Variants in SERGEF observed in about 807,000 individuals in gnomAD.
SERGEF encodes the protein secretion-regulating guanine nucleotide exchange factor.
Under a neutral mutation model 50.0 loss-of-function variants are expected in SERGEF, and 51 were observed. The ratio of observed to expected loss-of-function variants is 1.02; its 90% CI spans 0.81 to 1.29. SERGEF has a LOEUF of 1.29. Ranked by LOEUF, SERGEF falls within the 50% of genes most tolerant of loss-of-function variation. The pLI is 0.00. For synonymous variants in SERGEF, 205 were observed against 212.4 expected, an observed-to-expected ratio of 0.97 and a Z score of 0.30; for missense variants, 521 against 557.0, an observed-to-expected ratio of 0.94 and a Z score of 0.65.
chr11:17,804,147 C>T (rs1417846244), intron 10 of SERGEF, among the ~76,000 whole-genome samples: 1 of 152,148 alleles, frequency 6.6e-6, no homozygotes, highest in East Asian at 1.9e-4. Flanking sequence ...AAACAGTGGC[C>T]CGATGACCAT....
intron 9 of SERGEF, among the ~76,000 whole-genome samples, chr11:17,933,810 T>C (rs1852400025): frequency 6.6e-6 from 1 of 152,162 alleles, no homozygotes; most frequent in African/African-American, 2.4e-5. Flanking sequence ...AATCCCTAAA[T>C]TTTGGATCAT....
intron 10 of SERGEF, among the ~76,000 whole-genome samples, chr11:17,852,161 T>A (rs1473803866): frequency 6.6e-6 from 1 of 152,150 alleles, no homozygotes; most frequent in African/African-American, 2.4e-5. Flanking sequence ...AACCTTGGGA[T>A]GCATGTACAG....
intron 10 of SERGEF, among the ~76,000 whole-genome samples, chr11:17,857,841 G>A (rs554471893): frequency 1.7e-4 from 26 of 152,302 alleles, no homozygotes; most frequent in African/African-American, 6.0e-4. Flanking sequence ...GGGATAGATT[G>A]AGCCCACACC....
chr11:17,794,338 G>A (rs1024149097), intron 10 of SERGEF, among the ~76,000 whole-genome samples: 27 of 152,182 alleles, frequency 1.8e-4, no homozygotes, highest in African/African-American at 5.1e-4. Flanking sequence ...CACTACCTCT[G>A]ACCATGAGCA....
intron 9 of SERGEF, among the ~76,000 whole-genome samples, chr11:17,883,990 G>A (rs1294628649): frequency 6.6e-6 from 1 of 152,140 alleles, no homozygotes; most frequent in East Asian, 1.9e-4. Context: ...ACCGGGTTGC[G>A]GACCAGAACT....
At chr11:17,805,454 GCTCTTCTCCTCAGTCA>G (rs1429832415) in intron 10 of SERGEF, among the ~76,000 whole-genome samples, 38 of 152,316 alleles carry the variant, frequency 2.5e-4, no homozygotes, top group African/African-American at 9.1e-4. Flanking sequence ...TGGATACAGT[GCTCTTCTCCTCAGTCA>G]CTCATGTGGA....
At chr11:17,963,364 TAAAAAAAAAAAA>T (rs1174880141) in intron 8 of SERGEF, among the ~76,000 whole-genome samples, 7 of 49,882 alleles carry the variant, frequency 1.4e-4, no homozygotes, top group South Asian at 1.9e-3. Context: ...TTACTATTAG[TAAAAAAAAAAAA>T]AAAAAAAAAA....
intron 10 of SERGEF, among the ~76,000 whole-genome samples, chr11:17,801,062 G>A (rs903220310): frequency 6.6e-6 from 1 of 152,090 alleles, no homozygotes; most frequent in Non-Finnish European, 1.5e-5. Context: ...GGGCGTGGTG[G>A]TGGGCGCCTG....
intron 8 of SERGEF, among the ~76,000 whole-genome samples, chr11:17,986,031 GAGACTGAGAGCA>G (rs1371888814): frequency 6.6e-6 from 1 of 152,152 alleles, no homozygotes; most frequent in Non-Finnish European, 1.5e-5. Flanking sequence ...CTCCCAGAAT[GAGACTGAGAGCA>G]GCCTCTGTGC....
At chr11:17,968,869 G>C (rs1442360144) in intron 8 of SERGEF, among the ~76,000 whole-genome samples, 4 of 151,998 alleles carry the variant, frequency 2.6e-5, no homozygotes, top group Admixed American at 2.6e-4. Context: ...TGCTGGGGAG[G>C]GAGATGGAGG....
intron 8 of SERGEF, among the ~76,000 whole-genome samples, chr11:17,988,145 C>G (rs1280456059): frequency 6.6e-6 from 1 of 152,112 alleles, no homozygotes; most frequent in Non-Finnish European, 1.5e-5. Flanking sequence ...TTTATTAGGT[C>G]AACAAAAGTT....
chr11:18,004,201 C>T (rs1172206815), intron 4 of SERGEF, among the ~76,000 whole-genome samples: 6 of 152,150 alleles, frequency 3.9e-5, no homozygotes, highest in Non-Finnish European at 8.8e-5. Flanking sequence ...AGATGTATTA[C>T]TCTTATTGTT....
intron 10 of SERGEF, among the ~76,000 whole-genome samples, chr11:17,864,874 G>A (rs1320436943): frequency 6.6e-6 from 1 of 152,114 alleles, no homozygotes; most frequent in African/African-American, 2.4e-5. Flanking sequence ...TAATGCCTTA[G>A]GACTGCTCTC....
At chr11:17,871,518 T>C (rs1215283076) in intron 10 of SERGEF, among the ~76,000 whole-genome samples, 2 of 148,436 alleles carry the variant, frequency 1.3e-5, no homozygotes, top group Non-Finnish European at 3.0e-5. Flanking sequence ...GTTTGCAATA[T>C]GCATATTCAA....
rs1852288380 is a variant in SERGEF at position 17,928,327 on chromosome 11, G to A, written c.1011+31143C>T. The stretch of plus-strand genomic sequence containing the variant: ...AACACTGTCTGAGCCTAGACAGTAT[G>A]GCAAAGGTGAGAGAGGGCTACAAAC... On this transcript the variant is annotated intron_variant, in intron 9 of 10. Transcript: ENST00000265965. Among the ~76,000 whole-genome samples, 3 of 152,162 alleles carry A rather than the reference G, an allele frequency of 2.0e-5. No homozygotes were observed. The South Asian group carries it at 6.2e-4, about 31-fold the overall frequency.
intron 10 of SERGEF, among the ~76,000 whole-genome samples, chr11:17,871,944 T>G (rs1486266688): frequency 1.3e-5 from 2 of 152,158 alleles, no homozygotes; most frequent in Non-Finnish European, 2.9e-5. Context: ...GAGAAATAAA[T>G]GCACATATCT....
At chr11:17,998,420 A>AATAC (rs1313104622) in intron 5 of SERGEF, among the ~76,000 whole-genome samples, 3,165 of 55,428 alleles carry the variant, frequency 0.057, 155 homozygotes, top group East Asian at 0.1. Context: ...CTATCTTAAA[A>AATAC]ATACATACAT....
intron 9 of SERGEF, among the ~76,000 whole-genome samples, chr11:17,945,288 T>C (rs1852636655): frequency 6.6e-6 from 1 of 152,248 alleles, no homozygotes; most frequent in African/African-American, 2.4e-5. Context: ...CATCAGGTAT[T>C]ACACCTCTGG....
intron 10 of SERGEF, among the ~76,000 whole-genome samples, chr11:17,848,209 T>G (rs778354386): frequency 2.1e-4 from 32 of 152,058 alleles, no homozygotes; most frequent in Non-Finnish European, 4.4e-4. Flanking sequence ...AGGACATATG[T>G]GTTAGAGCCA....
Sources: gnomAD v4.1 joint callset for allele counts (sites outside exome capture counted in the v4.1 genomes callset) on GRCh38, gnomAD v4.1.1 for gene constraint, MANE v1.5 for transcripts, NCBI Gene and HGNC (gene_info 2026-07-23, HGNC 2026-07-21) for gene names.